ABCA3: variants seen among roughly 807,000 people sequenced by gnomAD.
ABCA3 encodes phospholipid-transporting ATPase ABCA3.
A neutral mutation model predicts 172.8 loss-of-function variants in ABCA3; 88 were observed. The observed-to-expected ratio is 0.51, with a 90% CI of 0.43 to 0.61. ABCA3 has a LOEUF of 0.61. ABCA3 is among the 20% of genes least tolerant of loss of function. The pLI, the probability that ABCA3 is intolerant of heterozygous loss-of-function variation, is 0.00. For synonymous variants in ABCA3, 1,066 were observed against 983.8 expected (o/e 1.08, Z -1.56); for missense variants, 2,164 against 2,301.0 (o/e 0.94, Z 1.22).
At chr16:2,308,867 C>T (rs1489189703) in intron 10 of ABCA3, among the ~76,000 whole-genome samples, 1 of 152,212 alleles carries the variant, frequency 6.6e-6, no homozygotes, top group Non-Finnish European at 1.5e-5. Flanking sequence ...CCAGCCCCTC[C>T]TCCACCTCCC....
intron 1 of ABCA3, among the ~76,000 whole-genome samples, chr16:2,340,338 G>A (rs983215685): frequency 6.6e-6 from 1 of 151,970 alleles, no homozygotes; most frequent in African/African-American, 2.4e-5. Context: ...GATGGGAGCC[G>A]ACGCTGAGGG....
chr16:2,319,684 A>G lies in ABCA3; in HGVS notation c.770T>C (p.Val257Ala). The G allele has an allele frequency of 6.2e-7, 1 of 1,613,994 alleles. No individual in the cohort carries two copies. Among genetic ancestry groups the G allele is most frequent in the South Asian group, 1.1e-5 (1 of 91,074 alleles). ...YPPFIADPFL[V>A]AIQYQLPLLL... is the part of the protein sequence containing the mutation. Reference sequence around the variant, plus strand: ...CAGGGGCAGCTGGTACTGGATGGCCACGAGGAAGGGGTCTGCGATGAACGG... The same window carrying G: ...CAGGGGCAGCTGGTACTGGATGGCCGCGAGGAAGGGGTCTGCGATGAACGG... The change falls in exon 8 of 33, where the codon GTG becomes GCG. Residue 257 changes from valine to alanine, a missense_variant. Transcript: ENST00000301732.
rs552541366 is a variant in ABCA3, at chr16:2,280,785, G to A, written c.4359+242C>T. Among the ~76,000 whole-genome samples, 36 of 152,330 alleles carry A rather than the reference G, an allele frequency of 2.4e-4. 1 individual carries two copies. The highest frequency in any genetic ancestry group is 8.2e-4 in the African/African-American group (34 of 41,580). ...ACAGAGGTGGCTGTCAGTGCTGAAT[G>A]CGCCTCTCTGGGCTCACGGATGTTG... On this transcript the variant is annotated intron_variant, in intron 28 of 32. Coordinates refer to ENST00000301732, the MANE Select transcript of ABCA3 (RefSeq NM_001089.3).
At chr16:2,323,239 C>T in intron 7 of ABCA3, 1 of 514,474 alleles carries the variant, frequency 1.9e-6, no homozygotes, top group Non-Finnish European at 3.5e-6. Context: ...TTGTGGAAGT[C>T]AGTGTGGCGA....
At position 2,325,993 on chromosome 16, in the gene ABCA3, G is replaced by T. The variant is rs2093733655; in HGVS notation, c.319+17C>A. ...GGCACCACTAGGCCTGGCACCGAGAGCCCCGGCATGTCTCACCTCGCATGT... is the reference window on the plus strand; with the variant it reads ...GGCACCACTAGGCCTGGCACCGAGATCCCCGGCATGTCTCACCTCGCATGT... On this transcript the variant is annotated intron_variant, in intron 5 of 32. Coordinates refer to ENST00000301732, the MANE Select transcript of ABCA3 (RefSeq NM_001089.3). 2 of 1,612,980 alleles carry T rather than the reference G, an allele frequency of 1.2e-6. No homozygotes were observed. The highest frequency in any genetic ancestry group is 1.7e-6 in the Non-Finnish European group (2 of 1,180,014).
At chr16:2,317,122 C>T (rs772898165) in intron 10 of ABCA3, among the ~76,000 whole-genome samples, 161 bp downstream of exon 10, 1 of 152,204 alleles carries the variant, frequency 6.6e-6, no homozygotes, top group Non-Finnish European at 1.5e-5. Flanking sequence ...CCCTAAATTA[C>T]GCTGACTTTC....
chr16:2,306,355 G>C (rs556123684), intron 11 of ABCA3, among the ~76,000 whole-genome samples: 5 of 152,074 alleles, frequency 3.3e-5, no homozygotes, highest in Non-Finnish European at 5.9e-5. Context: ...GAAAGCAAAA[G>C]AACAAAGTTT....
At chr16:2,302,177 C>A (rs2093690515) in intron 12 of ABCA3, among the ~76,000 whole-genome samples, 2 of 152,198 alleles carry the variant, frequency 1.3e-5, no homozygotes, top group African/African-American at 4.8e-5. Context: ...CTGTTCGGGG[C>A]TCTCAGCTCT....
intron 1 of ABCA3, among the ~76,000 whole-genome samples, chr16:2,331,245 G>C (rs975252949): frequency 6.6e-6 from 1 of 151,436 alleles, no homozygotes; most frequent in Non-Finnish European, 1.5e-5. Flanking sequence ...ACAGAGTCTC[G>C]CTCTGTCGCC....
rs547116105 is a variant in ABCA3, at chr16:2,308,735, C to T, written c.1112-112G>A. 23 of 1,226,994 alleles carry T rather than the reference C, an allele frequency of 1.9e-5. No homozygotes were observed. The East Asian group carries it at 5.5e-4, about 29-fold the overall frequency. The allele number at this position is 1,226,994 out of a possible 1,614,324, so 76.0% of individuals were successfully genotyped here. On this transcript the variant is annotated intron_variant, in intron 10 of 32. Coordinates refer to ENST00000301732, the MANE Select transcript of ABCA3 (RefSeq NM_001089.3). Reference sequence around the variant, plus strand: ...TCCTGGGGCCGAGCCACCCAACCTGCTCCTGGCACTTGCCATCTACACGGG... The same window carrying T: ...TCCTGGGGCCGAGCCACCCAACCTGTTCCTGGCACTTGCCATCTACACGGG...
intron 9 of ABCA3, 37 bp from the exon 10 acceptor site, chr16:2,317,440 G>A (rs376333261): frequency 3.5e-5 from 56 of 1,611,394 alleles, no homozygotes; most frequent in African/African-American, 1.6e-4. Flanking sequence ...GTGGTGGGCC[G>A]GCAGAGGTGG....
intron 18 of ABCA3, among the ~76,000 whole-genome samples, chr16:2,294,456 C>T (rs1014931913): frequency 5.9e-5 from 9 of 151,866 alleles, no homozygotes; most frequent in South Asian, 2.1e-4. Flanking sequence ...GAGGCTGAGG[C>T]GGAAGGATCA....
At position 2,288,009 on chromosome 16, in the gene ABCA3, C is replaced by T; in HGVS notation, c.3004+17G>A. The T allele has an allele frequency of 6.2e-7, 1 of 1,600,658 alleles. No individual in the cohort carries two copies. The highest frequency in any genetic ancestry group is 8.5e-7 in the Non-Finnish European group (1 of 1,179,542). On this transcript the variant is annotated intron_variant, in intron 21 of 32. Transcript: ENST00000301732. ...TGGCCCCCGATGCCCCCGTCCCGCC[C>T]CCGGGATGCCCCTTACCGAGCACCT...
At chr16:2,330,323 T>G (rs1259351540) in intron 1 of ABCA3, among the ~76,000 whole-genome samples, 3 of 149,816 alleles carry the variant, frequency 2.0e-5, no homozygotes, top group African/African-American at 7.4e-5. Flanking sequence ...AGCTCTATTT[T>G]TTTTTTTTTT....
In ABCA3 at chr16:2,283,915, T is replaced by G. The variant is rs76351500; in HGVS notation, c.3862+364A>C. 7.7e-6 allele frequency: 2 copies of G among 260,106 alleles called. No homozygotes were observed. Among genetic ancestry groups the G allele is most frequent in the Non-Finnish European group, 1.5e-5 (2 of 134,218 alleles). The allele number at this position is 260,106 out of a possible 1,614,324, so 16.1% of individuals were successfully genotyped here. ...AGCTGCCATGCGAGGATGGAGGCGG[T>G]GGTGGGGAGTAGGTGCAGCCAGGAG... On this transcript the variant is annotated intron_variant, in intron 25 of 32. Coordinates refer to ENST00000301732, the MANE Select transcript of ABCA3 (RefSeq NM_001089.3). The surrounding 1 kb of genome is among the most constrained non-coding windows in gnomAD (Gnocchi z 5.4).
At chr16:2,299,927 A>G in intron 13 of ABCA3, 78 bp downstream of exon 13, 2 of 1,592,132 alleles carry the variant, frequency 1.3e-6, no homozygotes, top group Non-Finnish European at 1.7e-6. Context: ...ACGGGCTATG[A>G]GGTCTCACTG....
In ABCA3 at chr16:2,289,461, C is replaced by T; in HGVS notation, c.2673G>A (p.Glu891=). ...CAGTGTTGAGCTTGACAGCGGTGCG[C>T]TCCTCCTCGATGAGGGCTCCAATGC... ...SDGIGALIEE[E]RTAVKLNTGL... is the part of the protein sequence containing the mutation. The change falls in exon 20 of 33, where the codon GAG becomes GAA. Residue 891 remains glutamate, a synonymous_variant. Transcript: ENST00000301732. The T allele has an allele frequency of 6.3e-7, 1 of 1,592,798 alleles. No homozygotes were observed. Among genetic ancestry groups the T allele is most frequent in the Admixed American group, 1.8e-5 (1 of 56,590 alleles).
intron 11 of ABCA3, among the ~76,000 whole-genome samples, chr16:2,306,840 C>G (rs372050997): frequency 1.6e-4 from 24 of 151,864 alleles, no homozygotes; most frequent in African/African-American, 5.6e-4. Context: ...ACAGTGAAAC[C>G]CCGTCTCTAC....
rs995091196 is a variant in ABCA3, at chr16:2,298,271, C to T, written c.1896+115G>A. The T allele has an allele frequency of 4.0e-6, 6 of 1,517,966 alleles. No homozygotes were observed. The Admixed American group carries it at 8.5e-5, about 22-fold the overall frequency. The allele number at this position is 1,517,966 out of a possible 1,614,324, so 94.0% of individuals were successfully genotyped here. A position where few individuals can be genotyped will look rare whatever the true frequency, so the allele number is the denominator to read the frequency against. ...CTCCTTGACGTAGCTGGACTCAGAA[C>T]CCTGGCTCCTGCCCTCCTGGCTCCC... On this transcript the variant is annotated intron_variant, in intron 15 of 32. Transcript: ENST00000301732.
Sources: gnomAD v4.1 joint callset for allele counts (sites outside exome capture counted in the v4.1 genomes callset) on GRCh38, gnomAD v4.1.1 for gene constraint, Gnocchi (gnomAD v3.1) non-coding constraint, MANE v1.5 for transcripts, NCBI Gene and HGNC (gene_info 2026-07-23, HGNC 2026-07-21) for gene names.